MYO1H: variants seen among roughly 807,000 people sequenced by gnomAD.
The protein encoded by MYO1H is myosin IH.
A neutral mutation model predicts 149.3 loss-of-function variants in MYO1H; 118 were observed. The observed-to-expected ratio is 0.79, with a 90% CI of 0.68 to 0.92. The LOEUF (loss-of-function observed/expected upper bound fraction) is 0.92, where lower values mean the gene tolerates loss of function less well. Among genes scored for constraint, MYO1H ranks in the 40% least tolerant of loss-of-function variants. The probability of loss-of-function intolerance (pLI) is 0.00; values close to 1 mark genes in which losing one functional copy is unlikely to be tolerated. For missense variants in MYO1H, 1,212 were observed against 1,280.7 expected, an observed-to-expected ratio of 0.95 and a Z score of 0.82; for synonymous variants, 447 against 465.2, an observed-to-expected ratio of 0.96 and a Z score of 0.50.
intron 1 of MYO1H, among the ~76,000 whole-genome samples, chr12:109,353,443 A>C (rs1051621745): frequency 6.6e-5 from 10 of 150,836 alleles, no homozygotes; most frequent in Non-Finnish European, 3.0e-5. Flanking sequence ...ACTTACCGGG[A>C]AATAAACTGT....
At chr12:109,396,657 G>A in intron 4 of MYO1H, 75 bp downstream of exon 4, 2 of 1,388,244 alleles carry the variant, frequency 1.4e-6, no homozygotes, top group Non-Finnish European at 1.9e-6. Context: ...GTCTGGGCAG[G>A]TCAGTCAAAA....
intron 5 of MYO1H, among the ~76,000 whole-genome samples, chr12:109,399,413 G>GA (rs1870060978): frequency 6.6e-6 from 1 of 151,700 alleles, no homozygotes; most frequent in South Asian, 2.1e-4. Flanking sequence ...CCAACATGGT[G>GA]AAACCCTGTC....
intron 1 of MYO1H, among the ~76,000 whole-genome samples, chr12:109,363,544 C>T (rs1592780111): frequency 6.6e-6 from 1 of 152,088 alleles, no homozygotes; most frequent in East Asian, 1.9e-4. Context: ...GAAACCCCAA[C>T]TCTACTAAAA....
intron 1 of MYO1H, 125 bp from the exon 2 acceptor site, chr12:109,388,558 A>G (rs1869484849): frequency 1.2e-6 from 1 of 811,396 alleles, no homozygotes; most frequent in South Asian, 3.1e-5. Context: ...CTAAGTGAAG[A>G]CGGCATAATT....
intron 1 of MYO1H, among the ~76,000 whole-genome samples, chr12:109,370,648 A>G (rs1868962115): frequency 6.6e-6 from 1 of 152,184 alleles, no homozygotes; most frequent in African/African-American, 2.4e-5. Context: ...AGGGAGGTAC[A>G]TTTGGGTAAA....
At chr12:109,318,960 GTTTTTGGTTTTGTTT>G in the MYO1H span, among the ~76,000 whole-genome samples, 34 of 77,952 alleles carry the variant, frequency 4.4e-4, no homozygotes, top group East Asian at 0.011. Flanking sequence ...AACTCTCTGC[GTTTTTGGTTTTGTTT>G]TTTTTTTTTT....
chr12:109,441,352 A>G (rs2135601711), intron 25 of MYO1H, among the ~76,000 whole-genome samples: 1 of 152,324 alleles, frequency 6.6e-6, no homozygotes, highest in African/African-American at 2.4e-5. Context: ...CCTGATCTAC[A>G]AGAAACTGCT....
chr12:109,435,073 T>G, exon 21 of MYO1H: 1 of 1,609,796 alleles, frequency 6.2e-7, no homozygotes, highest in African/African-American at 1.3e-5. Flanking sequence ...GAACTCTGTT[T>G]GCTACCGAAG....
chr12:109,445,026 G>A (rs970698502), intron 30 of MYO1H, among the ~76,000 whole-genome samples: 1 of 152,032 alleles, frequency 6.6e-6, no homozygotes, highest in African/African-American at 2.4e-5. Context: ...ACTTTTTTCC[G>A]TCTTCATCCC....
the MYO1H span, among the ~76,000 whole-genome samples, chr12:109,317,550 A>T: frequency 6.6e-6 from 1 of 152,180 alleles, no homozygotes; most frequent in Non-Finnish European, 1.5e-5. Context: ...GAAACCCTTT[A>T]TTCCAATGAA....
chr12:109,429,978 CAT>C (rs1871542363), intron 19 of MYO1H, among the ~76,000 whole-genome samples: 1 of 152,216 alleles, frequency 6.6e-6, no homozygotes, highest in Non-Finnish European at 1.5e-5. Flanking sequence ...TGTGTCTTCA[CAT>C]AGTTGATGAT....
At chr12:109,443,009 A>AAAAT (rs1371725807) in intron 27 of MYO1H, among the ~76,000 whole-genome samples, 1,992 of 58,486 alleles carry the variant, frequency 0.034, 337 homozygotes, top group Non-Finnish European at 0.044. Context: ...AAAAAAAAAA[A>AAAAT]ATATATATAT....
chr12:109,405,811 G>A (rs185210088), intron 7 of MYO1H, 111 bp from the exon 8 acceptor site: 273 of 734,868 alleles, frequency 3.7e-4, no homozygotes, highest in Admixed American at 1.2e-3. Context: ...GAATTGGGAC[G>A]GGGGCATTTT....
At chr12:109,396,578 T>C (rs755263054) in exon 4 of MYO1H, 11 of 1,610,198 alleles carry the variant, frequency 6.8e-6, no homozygotes, top group East Asian at 2.2e-5. Context: ...AACCCAGTGC[T>C]GGAGGTAAGC....
the MYO1H span, among the ~76,000 whole-genome samples, chr12:109,335,884 A>G: frequency 1.3e-5 from 2 of 151,248 alleles, no homozygotes; most frequent in Admixed American, 6.6e-5. Flanking sequence ...TTTGTCTTAT[A>G]TTCAGCCACT....
rs58487735 is a variant in MYO1H, at chr12:109,438,086, T to TAAAAAAAAAAAAAAAA, written c.2210-444_2210-429dup. Among the ~76,000 whole-genome samples the TAAAAAAAAAAAAAAAA allele has an allele frequency of 3.1e-3, 303 of 96,812 alleles. 5 individuals carry two copies. The highest frequency in any genetic ancestry group is 0.013 in the African/African-American group (292 of 22,000). 63.5% of individuals were successfully genotyped at this position (96,812 alleles called of 152,430 possible). A position where few individuals can be genotyped will look rare whatever the true frequency, so the allele number is the denominator to read the frequency against. ...TTGGGCGACAGAGCAAGGCTCTGTC[T>TAAAAAAAAAAAAAAAA]AAAAAAAAAAAAAAAAAAAAATTGG... On this transcript the variant is annotated intron_variant, in intron 22 of 31. Coordinates refer to ENST00000310903, the Ensembl canonical transcript of MYO1H.
intron 15 of MYO1H, among the ~76,000 whole-genome samples, chr12:109,420,778 C>T (rs969664147): frequency 2.6e-5 from 4 of 152,142 alleles, no homozygotes; most frequent in Admixed American, 6.6e-5. Flanking sequence ...GCCAGAGATG[C>T]TTCTCAACAT....
chr12:109,370,472 C>T (rs1428467883), intron 1 of MYO1H, among the ~76,000 whole-genome samples: 1 of 152,212 alleles, frequency 6.6e-6, no homozygotes, highest in African/African-American at 2.4e-5. Context: ...CTTAGCTTCC[C>T]TGTTTATACT....
intron 1 of MYO1H, among the ~76,000 whole-genome samples, chr12:109,387,023 TGTGTGTGTGTGTG>T (rs773102727): frequency 0.033 from 5,012 of 149,796 alleles, 293 homozygotes; most frequent in African/African-American, 0.12. Context: ...TGTGTGTGTG[TGTGTGTGTGTGTG>T]TGTGTAGTGT....
Sources: allele counts gnomAD v4.1 joint callset (sites outside exome capture counted in the v4.1 genomes callset), GRCh38; gene constraint gnomAD v4.1.1; transcripts MANE v1.5; gene names NCBI Gene and HGNC (gene_info 2026-07-23, HGNC 2026-07-21).